Variants in LRRC45 observed in about 807,000 individuals in gnomAD.
LRRC45 encodes the protein leucine-rich repeat-containing protein 45.
LRRC45 carries 73 observed loss-of-function variants against 85.4 expected under a neutral mutation model. That is an observed-to-expected ratio of 0.85 (90% confidence interval 0.71 to 1.04). The LOEUF (loss-of-function observed/expected upper bound fraction) is 1.04, where lower values mean the gene tolerates loss of function less well. Among genes scored for constraint, LRRC45 ranks in the 50% least tolerant of loss-of-function variants. The pLI is 0.00. For synonymous variants in LRRC45, 429 were observed against 386.0 expected (o/e 1.11, Z -1.31); for missense variants, 937 against 883.3 (o/e 1.06, Z -0.77).
rs111794972 is a variant in LRRC45, at chr17:82,024,858, G to A, written c.353+95G>A. 659 of 1,454,538 alleles carry A rather than the reference G, an allele frequency of 4.5e-4. 5 individuals carry two copies. In the African/African-American group the frequency reaches 6.6e-3, roughly 15 times the overall value. The allele number at this position is 1,454,538 out of a possible 1,614,324, so 90.1% of individuals were successfully genotyped here. A position where few individuals can be genotyped will look rare whatever the true frequency, so the allele number is the denominator to read the frequency against. On this transcript the variant is annotated intron_variant, in intron 3 of 16. Transcript: ENST00000306688. Reference sequence around the variant, plus strand: ...GCAGCCCAAGAGTTCCCCATTGCCAGGTGCCCATGTTTCACATACGTTGGC... The same window carrying A: ...GCAGCCCAAGAGTTCCCCATTGCCAAGTGCCCATGTTTCACATACGTTGGC...
chr17:82,024,206 T>G, intron 1 of LRRC45, 72 bp from the exon 2 acceptor site: 2 of 1,561,880 alleles, frequency 1.3e-6, no homozygotes, highest in Non-Finnish European at 1.7e-6. Flanking sequence ...GGAGCTGCCC[T>G]GAAAAGGGGC....
intron 8 of LRRC45, 125 bp downstream of exon 8, chr17:82,027,876 AC>A: frequency 2.0e-6 from 3 of 1,506,952 alleles, no homozygotes; most frequent in South Asian, 1.2e-5. Flanking sequence ...TGGGGCAGTA[AC>A]CCAGAAGCCT....
chr17:82,028,979 T>G (rs1460169242), intron 12 of LRRC45, 114 bp from the exon 13 acceptor site: 2 of 979,650 alleles, frequency 2.0e-6, no homozygotes, highest in African/African-American at 1.6e-5. Context: ...CAGTGCTTTC[T>G]CAGAATGAAC....
chr17:82,027,752 G>A lies in LRRC45; in HGVS notation c.911+1G>A. 1.2e-6 allele frequency: 2 copies of A among 1,610,374 alleles called. No individual in the cohort carries two copies. The highest frequency in any genetic ancestry group is 1.7e-6 in the Non-Finnish European group (2 of 1,178,848). On this transcript the variant is annotated splice_donor_variant, in intron 8 of 16. Transcript: ENST00000306688. LOFTEE classifies it high-confidence loss of function. ...CCATCATCAACGCTCTCAAGGCCAAGTAAGTGGGGGGTGGCCTCAGGATAC... is the reference window on the plus strand; with the variant it reads ...CCATCATCAACGCTCTCAAGGCCAAATAAGTGGGGGGTGGCCTCAGGATAC...
At chr17:82,024,583 C>A in intron 2 of LRRC45, 110 bp from the exon 3 acceptor site, 1 of 1,281,808 alleles carries the variant, frequency 7.8e-7, no homozygotes, top group Non-Finnish European at 1.1e-6. Context: ...AGGAAGGCTG[C>A]AGGGTGCACC....
chr17:82,023,315 G>C lies in LRRC45; in HGVS notation c.-329G>C. On this transcript the variant is annotated 5_prime_UTR_variant, in exon 1 of 17. Transcript: ENST00000306688. ...CTCCCGGCGCGCCTTGTTCTTCCTGGATACTGAGGCCCCGACGCGGCTGTC... is the reference window on the plus strand; with the variant it reads ...CTCCCGGCGCGCCTTGTTCTTCCTGCATACTGAGGCCCCGACGCGGCTGTC... 4.4e-6 allele frequency: 2 copies of C among 452,896 alleles called. No individual in the cohort carries two copies. Among genetic ancestry groups the C allele is most frequent in the Non-Finnish European group, 7.8e-6 (2 of 255,764 alleles). 28.1% of individuals were successfully genotyped at this position (452,896 alleles called of 1,614,324 possible). A position where few individuals can be genotyped will look rare whatever the true frequency, so the allele number is the denominator to read the frequency against.
chr17:82,029,226 T>G, intron 13 of LRRC45, 41 bp downstream of exon 13: 2 of 1,580,916 alleles, frequency 1.3e-6, no homozygotes, highest in Non-Finnish European at 1.7e-6. Flanking sequence ...GCCTTAGTCC[T>G]GGGCTGAACA....
chr17:82,025,620 C>T lies in LRRC45; in HGVS notation c.661+113C>T, dbSNP rs935308233. 3.8e-6 allele frequency: 5 copies of T among 1,330,404 alleles called. No homozygotes were observed. In the African/African-American group the frequency reaches 7.4e-5, roughly 20 times the overall value. 82.4% of individuals were successfully genotyped at this position (1,330,404 alleles called of 1,614,324 possible). A position where few individuals can be genotyped will look rare whatever the true frequency, so the allele number is the denominator to read the frequency against. Reference sequence around the variant, plus strand: ...CTGATGAGGAGAGCAGCCTGAGAGCCCAGGGGAAGCAGGAAGGAGCGGAGG... The same window carrying T: ...CTGATGAGGAGAGCAGCCTGAGAGCTCAGGGGAAGCAGGAAGGAGCGGAGG... On this transcript the variant is annotated intron_variant, in intron 5 of 16. Coordinates refer to ENST00000306688, the MANE Select transcript of LRRC45 (RefSeq NM_144999.4).
Position 82,024,781 on chromosome 17 carries a change from C to T in LRRC45, c.353+18C>T, listed in dbSNP as rs1381895140. On this transcript the variant is annotated intron_variant, in intron 3 of 16. Transcript: ENST00000306688. ...ATTCAGAGGTGGGTGGTGGTCCCGA[C>T]CCCAGGCCCTGTCTCTGTGTGGTTG... 6 of 1,568,326 alleles carry T rather than the reference C, an allele frequency of 3.8e-6. No homozygotes were observed. The highest frequency in any genetic ancestry group is 2.8e-5 in the African/African-American group (2 of 72,450).
rs148532776 is a variant in LRRC45, at chr17:82,028,465, C to T, written c.1194C>T (p.Thr398=). ...EQLFQTRQEM[T]SMSAELKMRA... ...TGTTCCAGACCAGGCAGGAGATGAC[C>T]AGCATGTCAGCTGAGCTGAAGATGC... Residue 398 remains threonine (T), a synonymous_variant, in exon 11 of 17, where the codon ACC becomes ACT. Transcript: ENST00000306688. 6.2e-7 allele frequency: 1 copy of T among 1,612,542 alleles called. No individual in the cohort carries two copies. The highest frequency in any genetic ancestry group is 1.3e-5 in the African/African-American group (1 of 74,924).
In LRRC45 at chr17:82,029,187, T is replaced by G. The variant is rs758717149; in HGVS notation, c.1401+2T>G. On this transcript the variant is annotated splice_donor_variant, in intron 13 of 16. Transcript: ENST00000306688. LOFTEE classifies it high-confidence loss of function. ...GCGGCGCGGCTGTCCCTGGAGGAGG[T>G]GAGTGCCCACCAGGCAGGGCCAAGC... The G allele has an allele frequency of 6.2e-7, 1 of 1,608,678 alleles. No individual in the cohort carries two copies. Among genetic ancestry groups the G allele is most frequent in the South Asian group, 1.1e-5 (1 of 90,234 alleles).
chr17:82,028,009 A>G lies in LRRC45; in HGVS notation c.912-2A>G. The G allele has an allele frequency of 1.3e-6, 2 of 1,596,520 alleles. No homozygotes were observed. Among genetic ancestry groups the G allele is most frequent in the Non-Finnish European group, 1.7e-6 (2 of 1,172,692 alleles). ...CGGGGGTGCTGCCCCTCCTTTCTGC[A>G]GGCTGCAGATGACAGAGGCCGCCCT... On this transcript the variant is annotated splice_acceptor_variant, in intron 8 of 16. Transcript: ENST00000306688. LOFTEE classifies it high-confidence loss of function.
chr17:82,028,673 G>C lies in LRRC45; in HGVS notation c.1298G>C (p.Arg433Pro). The C allele has an allele frequency of 6.2e-7, 1 of 1,612,432 alleles. No homozygotes were observed. The highest frequency in any genetic ancestry group is 8.5e-7 in the Non-Finnish European group (1 of 1,179,668). ...RQSLEDSESL[R>P]IKEVEHMTRH... Reference sequence around the variant, plus strand: ...AGCCTGGAGGACTCCGAAAGCCTGCGCATCAAGGAGGTGCCCTCTTCGTTG... The same window carrying C: ...AGCCTGGAGGACTCCGAAAGCCTGCCCATCAAGGAGGTGCCCTCTTCGTTG... The change falls in exon 12 of 17, where the codon CGC becomes CCC. Residue 433 changes from arginine (R) to proline (P), a missense_variant. Physicochemically the swap from Arg to Pro is moderately radical, Grantham distance 103. Coordinates refer to ENST00000306688, the MANE Select transcript of LRRC45 (RefSeq NM_144999.4).
rs549699929 is a variant in LRRC45 at position 82,030,201 on chromosome 17, T to C, written c.1631T>C (p.Val544Ala). ...QTRVSQLGLQ[V>A]EGLRRRLEEL... ...CGGGTCAGCCAGCTGGGCCTGCAAG[T>C]TGAGGGCCTGCGGCGGCGCCTGGAA... Residue 544 changes from valine to alanine, a missense_variant, in exon 15 of 17, where the codon GTT becomes GCT. Coordinates refer to ENST00000306688, the MANE Select transcript of LRRC45 (RefSeq NM_144999.4). 1.5e-4 allele frequency: 237 copies of C among 1,540,170 alleles called. 4 individuals are homozygous for C. The South Asian group carries it at 2.6e-3, about 17-fold the overall frequency.
At chr17:82,027,855 A>G in intron 8 of LRRC45, 104 bp downstream of exon 8, 1 of 1,525,846 alleles carries the variant, frequency 6.6e-7, no homozygotes, top group Non-Finnish European at 8.9e-7. Context: ...AGAGGTGGGA[A>G]ATGGTGAGGC....
chr17:82,028,701 C>A lies in LRRC45; in HGVS notation c.1308+18C>A, dbSNP rs757209583. 2 of 1,603,598 alleles carry A rather than the reference C, an allele frequency of 1.2e-6. No individual in the cohort carries two copies. The highest frequency in any genetic ancestry group is 2.2e-5 in the South Asian group (2 of 89,588). On this transcript the variant is annotated intron_variant, in intron 12 of 16. Coordinates refer to ENST00000306688, the MANE Select transcript of LRRC45 (RefSeq NM_144999.4). Reference sequence around the variant, plus strand: ...TCAAGGAGGTGCCCTCTTCGTTGGCCTCTAATGCGCCTCAGTCTCTGGTCT... The same window carrying A: ...TCAAGGAGGTGCCCTCTTCGTTGGCATCTAATGCGCCTCAGTCTCTGGTCT...
rs1225408416 is a variant in LRRC45, at chr17:82,029,587, G to C, written c.1446G>C (p.Gln482His). The C allele has an allele frequency of 6.3e-7, 1 of 1,581,762 alleles. No homozygotes were observed. Among genetic ancestry groups the C allele is most frequent in the East Asian group, 2.3e-5 (1 of 42,802 alleles). ...VKAAALSERG[Q>H]AEEELIKAKS... is the part of the protein sequence containing the mutation. The stretch of plus-strand genomic sequence containing the variant: ...CAGCGGCACTCAGCGAGCGTGGCCA[G>C]GCTGAGGAGGAGCTGATCAAGGCCA... The change falls in exon 14 of 17, where the codon CAG becomes CAC. Residue 482 changes from glutamine to histidine, a missense_variant. Gln to His is a conservative substitution (Grantham distance 24). Transcript: ENST00000306688.
chr17:82,024,190 G>A (rs947365100), intron 1 of LRRC45, 88 bp from the exon 2 acceptor site: 2 of 1,468,178 alleles, frequency 1.4e-6, no homozygotes, highest in Middle Eastern at 1.8e-4. Flanking sequence ...CCCTTCCTGG[G>A]TCTAGGGAGC....
intron 12 of LRRC45, 119 bp downstream of exon 12, chr17:82,028,802 GT>G: frequency 8.6e-7 from 1 of 1,164,282 alleles, no homozygotes; most frequent in East Asian, 2.6e-5. Context: ...CTGGGTGGCC[GT>G]ATTTTGCCAG....
Sources: gnomAD v4.1 joint callset for allele counts on GRCh38, gnomAD v4.1.1 for gene constraint, MANE v1.5 for transcripts, NCBI Gene and HGNC (gene_info 2026-07-23, HGNC 2026-07-21) for gene names.